The following PCDHA8 variants were observed in gnomAD, a reference collection of about 807,000 sequenced individuals.
PCDHA8 encodes the protein protocadherin alpha-8.
PCDHA8 carries 53 observed loss-of-function variants against 61.8 expected under a neutral mutation model. The ratio of observed to expected loss-of-function variants is 0.86; its 90% CI spans 0.69 to 1.08. The LOEUF (loss-of-function observed/expected upper bound fraction) is 1.08. PCDHA8 is among the 50% of genes least tolerant of loss of function. PCDHA8 has a pLI of 0.00. For missense variants in PCDHA8, 1,293 were observed against 1,245.0 expected (o/e 1.04, Z -0.58); for synonymous variants, 618 against 556.6 (o/e 1.11, Z -1.55).
Position 140,842,868 on chromosome 5 carries a change from A to T in PCDHA8, c.1547A>T (p.Lys516Met). The T allele has an allele frequency of 6.3e-7, 1 of 1,593,968 alleles. No homozygotes were observed. The highest frequency in any genetic ancestry group is 8.6e-7 in the Non-Finnish European group (1 of 1,165,380). The change falls in exon 1 of 4, where the codon AAG (lysine) becomes ATG (methionine). Residue 516 changes from lysine (K) to methionine (M), a missense_variant. Coordinates refer to ENST00000531613, the MANE Select transcript of PCDHA8 (RefSeq NM_018911.3). ...SYISVHTESG[K>M]VYALQPLDHE... ...ATTTCGGTGCACACGGAGAGCGGCA[A>T]GGTGTACGCGCTGCAGCCGCTGGAC...
At chr5:140,995,819 C>T (rs1045622508) in intron 3 of PCDHA8, among the ~76,000 whole-genome samples, 1 of 152,088 alleles carries the variant, frequency 6.6e-6, no homozygotes, top group African/African-American at 2.4e-5. Flanking sequence ...AGGGAGATAG[C>T]CTGGCATTGC....
chr5:140,871,326 C>T (rs2052980774), intron 1 of PCDHA8: 1 of 1,613,978 alleles, frequency 6.2e-7, no homozygotes, highest in African/African-American at 1.3e-5. Context: ...TGGTGTGCTC[C>T]CGCGCGGTGG....
At chr5:140,959,494 T>G (rs2153722388) in intron 1 of PCDHA8, among the ~76,000 whole-genome samples, 1 of 152,286 alleles carries the variant, frequency 6.6e-6, no homozygotes, top group South Asian at 2.1e-4. Flanking sequence ...TATATATGGA[T>G]CAAACTAAAA....
chr5:140,937,151 C>T (rs1170352289), intron 1 of PCDHA8, among the ~76,000 whole-genome samples: 1 of 151,572 alleles, frequency 6.6e-6, no homozygotes, highest in African/African-American at 2.4e-5. Context: ...CATTCTCCTG[C>T]CTCAGCCTCC....
intron 1 of PCDHA8, among the ~76,000 whole-genome samples, chr5:140,915,080 G>T (rs1279074888): frequency 6.6e-6 from 1 of 151,664 alleles, no homozygotes; most frequent in Non-Finnish European, 1.5e-5. Context: ...TGAGTAGCTG[G>T]GACTATGGGC....
At chr5:140,941,987 G>A (rs1315027422) in intron 1 of PCDHA8, among the ~76,000 whole-genome samples, 1 of 152,104 alleles carries the variant, frequency 6.6e-6, no homozygotes, top group Non-Finnish European at 1.5e-5. Flanking sequence ...ACCTTGATAA[G>A]GGATTCATAT....
rs139717033 is a variant in PCDHA8 at position 140,850,329 on chromosome 5, C to A, written c.2394+6614C>A. ...CAACGCGTGGCTTTCATACGAGCTG[C>A]AGCCAGAAACGGCCAGCGCGAGCAT... On this transcript the variant is annotated intron_variant, in intron 1 of 3. Coordinates refer to ENST00000531613, the MANE Select transcript of PCDHA8 (RefSeq NM_018911.3). 510 of 1,597,650 alleles carry A rather than the reference C, an allele frequency of 3.2e-4. 26 individuals are homozygous for A. The African/African-American group carries it at 6.2e-3, about 19-fold the overall frequency.
At chr5:140,899,894 A>G (rs2067617727) in intron 1 of PCDHA8, among the ~76,000 whole-genome samples, 1 of 151,938 alleles carries the variant, frequency 6.6e-6, no homozygotes, top group African/African-American at 2.4e-5. Context: ...TGCAGCCTTG[A>G]CATCCTGGGC....
At chr5:140,893,488 C>G (rs2064010316) in intron 1 of PCDHA8, among the ~76,000 whole-genome samples, 1 of 151,368 alleles carries the variant, frequency 6.6e-6, no homozygotes, top group Non-Finnish European at 1.5e-5. Flanking sequence ...CCCTGTTCTT[C>G]ACAAAAAAGA....
intron 1 of PCDHA8, among the ~76,000 whole-genome samples, chr5:140,899,774 C>T (rs966615256): frequency 3.9e-5 from 6 of 152,122 alleles, no homozygotes; most frequent in African/African-American, 1.4e-4. Context: ...CCTCCTTTTA[C>T]CTCTGGTATA....
At chr5:140,942,527 AACTC>A (rs1420689882) in intron 1 of PCDHA8, among the ~76,000 whole-genome samples, 2 of 152,162 alleles carry the variant, frequency 1.3e-5, no homozygotes, top group Non-Finnish European at 2.9e-5. Flanking sequence ...GGAAGCAACT[AACTC>A]AGTATGGTGG....
intron 1 of PCDHA8, among the ~76,000 whole-genome samples, chr5:140,905,958 G>C (rs1554192269): frequency 6.6e-6 from 1 of 152,184 alleles, no homozygotes; most frequent in African/African-American, 2.4e-5. Context: ...GATGTTCAAG[G>C]GGAGGAAGAT....
chr5:140,864,192 T>A (rs528891456), intron 1 of PCDHA8: 1 of 152,324 alleles, frequency 6.6e-6, no homozygotes, highest in Admixed American at 6.5e-5. Flanking sequence ...TAATGATCCT[T>A]ATGAGAAGGT....
chr5:140,843,884 A>G, intron 1 of PCDHA8, 169 bp downstream of exon 1: 1 of 710,520 alleles, frequency 1.4e-6, no homozygotes, highest in South Asian at 2.0e-5. Flanking sequence ...GGCATAATAC[A>G]GTATTAATCA....
At chr5:140,891,818 C>T (rs1331998195) in intron 1 of PCDHA8, among the ~76,000 whole-genome samples, 1 of 152,118 alleles carries the variant, frequency 6.6e-6, no homozygotes, top group Non-Finnish European at 1.5e-5. Context: ...AATAAATTAA[C>T]GGCACTGTAA....
chr5:140,929,589 G>T lies in PCDHA8; in HGVS notation c.2395-49360G>T, dbSNP rs183312863. 667 of 427,178 alleles carry T rather than the reference G, an allele frequency of 1.6e-3. 2 individuals are homozygous for T. The highest frequency in any genetic ancestry group is 3.3e-3 in the Admixed American group (76 of 23,230). The allele number at this position is 427,178 out of a possible 1,614,324, so 26.5% of individuals were successfully genotyped here. A position where few individuals can be genotyped will look rare whatever the true frequency, so the allele number is the denominator to read the frequency against. On this transcript the variant is annotated intron_variant, in intron 1 of 3. Coordinates refer to ENST00000531613, the MANE Select transcript of PCDHA8 (RefSeq NM_018911.3). ...AACAATAAAAGTAATATGACATAAA[G>T]GTCTAAAATTAAAAATAAAATACCA...
intron 1 of PCDHA8, among the ~76,000 whole-genome samples, chr5:140,897,430 C>A (rs1297820601): frequency 6.7e-6 from 1 of 148,618 alleles, no homozygotes; most frequent in East Asian, 2.0e-4. Flanking sequence ...TGAGTGAGAA[C>A]ATGCAGTGTT....
chr5:140,948,763 C>T (rs1195337502), intron 1 of PCDHA8, among the ~76,000 whole-genome samples: 4 of 151,102 alleles, frequency 2.6e-5, no homozygotes, highest in Non-Finnish European at 4.4e-5. Flanking sequence ...TGATTTTTTT[C>T]GAATAGCCAG....
chr5:140,967,119 T>C lies in PCDHA8; in HGVS notation c.2395-11830T>C, dbSNP rs374670692. 97 of 1,612,790 alleles carry C rather than the reference T, an allele frequency of 6.0e-5. No homozygotes were observed. The highest frequency in any genetic ancestry group is 8.1e-5 in the Non-Finnish European group (95 of 1,179,410). The stretch of plus-strand genomic sequence containing the variant: ...CTGTGTGAGCAGCGGCCTCGCTGCC[T>C]GCTCAGCTTGGAAGTGCTGGCGCAC... On this transcript the variant is annotated intron_variant, in intron 1 of 3. Transcript: ENST00000531613.
Sources: allele counts gnomAD v4.1 joint callset (sites outside exome capture counted in the v4.1 genomes callset), GRCh38; gene constraint gnomAD v4.1.1; transcripts MANE v1.5; gene names NCBI Gene and HGNC (gene_info 2026-07-23, HGNC 2026-07-21).